KCNT1: variants seen among roughly 807,000 people sequenced by gnomAD.
KCNT1 encodes potassium sodium-activated channel subfamily T member 1, also known as potassium channel subfamily T member 1.
Under a neutral mutation model 147.8 loss-of-function variants are expected in KCNT1, and 78 were observed. The ratio of observed to expected loss-of-function variants is 0.53; its 90% CI spans 0.44 to 0.64. KCNT1 has a LOEUF of 0.64. KCNT1 is among the 30% of genes least tolerant of loss of function. The probability of loss-of-function intolerance (pLI) is 0.00; values close to 1 mark genes in which losing one functional copy is unlikely to be tolerated. For synonymous variants in KCNT1, 867 were observed against 748.8 expected, an observed-to-expected ratio of 1.16 and a Z score of -2.58; for missense variants, 1,419 against 1,750.3, an observed-to-expected ratio of 0.81 and a Z score of 3.38.
rs763051647 is a variant in KCNT1 at position 135,771,056 on chromosome 9, C to A, written c.1969C>A (p.Pro657Thr). The A allele has an allele frequency of 6.2e-7, 1 of 1,612,180 alleles. No homozygotes were observed. Among genetic ancestry groups the A allele is most frequent in the South Asian group, 1.1e-5 (1 of 90,760 alleles). Residue 657 changes from proline (P) to threonine (T), a missense_variant, in exon 18 of 31, where the codon CCG becomes ACG. Around this residue, in one of 5 missense-constraint regions of KCNT1, gnomAD observed 284 missense variants for 292.8 expected, o/e 0.97. Transcript: ENST00000371757. Reference protein sequence around the residue: ...AFSGQGLHEGPARLPVHSIIA... With the variant: ...AFSGQGLHEGTARLPVHSIIA... ...CTCGGGGCAGGGGCTGCACGAGGGT[C>A]CGGCCCGCCTGCCCGTGCACAGCAT... is the stretch of plus-strand genomic sequence containing the variant.
intron 3 of KCNT1, chr9:135,750,712 C>T (rs1831105379): frequency 1.7e-6 from 1 of 585,460 alleles, no homozygotes; most frequent in Non-Finnish European, 3.0e-6. Context: ...CCCCTGCACC[C>T]CAAGTTCAGG....
chr9:135,721,850 A>G (rs1462594557), intron 2 of KCNT1, among the ~76,000 whole-genome samples: 1 of 152,016 alleles, frequency 6.6e-6, no homozygotes, highest in Non-Finnish European at 1.5e-5. Flanking sequence ...TGGGCCCCCT[A>G]CCAGGAAGCA....
At chr9:135,774,239 G>A (rs1489770106) in intron 19 of KCNT1, among the ~76,000 whole-genome samples, 1 of 149,808 alleles carries the variant, frequency 6.7e-6, no homozygotes, top group African/African-American at 2.5e-5. Flanking sequence ...TGTGTGTGGT[G>A]TGTGTCCGTG....
intron 9 of KCNT1, 34 bp from the exon 10 acceptor site, chr9:135,758,380 C>T (rs747363758): frequency 1.3e-6 from 2 of 1,538,086 alleles, no homozygotes; most frequent in Non-Finnish European, 1.8e-6. Context: ...GGTCCACAGT[C>T]CCTGCCCGCT....
chr9:135,740,465 G>A (rs902413748), intron 2 of KCNT1, among the ~76,000 whole-genome samples: 1 of 152,216 alleles, frequency 6.6e-6, no homozygotes. Context: ...AGAGCCCAGA[G>A]GGTCCCTCCC....
At position 135,786,308 on chromosome 9, in the gene KCNT1, G is replaced by A. The variant is rs199779214; in HGVS notation, c.3289G>A (p.Gly1097Ser). The A allele has an allele frequency of 7.9e-5, 126 of 1,602,106 alleles. 1 individual carries two copies. The highest frequency in any genetic ancestry group is 3.5e-4 in the South Asian group (31 of 89,372). Reference sequence around the variant, plus strand: ...CTCCCAGGGCCGCCACACGGGCGGCGGTGACCCCGCAGAGCACCCACTGCT... The same window carrying A: ...CTCCCAGGGCCGCCACACGGGCGGCAGTGACCCCGCAGAGCACCCACTGCT... The part of the protein sequence containing the change: ...GSSQGRHTGG[G>S]DPAEHPLLRR... Residue 1097 changes from glycine to serine, a missense_variant, in exon 29 of 31, where the codon GGT (glycine) becomes AGT (serine). Physicochemically the swap from Gly to Ser is moderately conservative, Grantham distance 56. Coordinates refer to ENST00000371757, the MANE Select transcript of KCNT1 (RefSeq NM_020822.3).
chr9:135,791,512 A>T, intron 29 of KCNT1: 1 of 447,516 alleles, frequency 2.2e-6, no homozygotes, highest in Non-Finnish European at 4.1e-6. Context: ...GCCTCTGCTC[A>T]GGGCCACCCC....
At chr9:135,770,197 C>T (rs563284439) in intron 16 of KCNT1, 101 bp from the exon 17 acceptor site, 67 of 1,444,270 alleles carry the variant, frequency 4.6e-5, no homozygotes, top group Admixed American at 3.5e-4. Flanking sequence ...GGAGGGGATC[C>T]ATGCCAGGGG....
At chr9:135,735,777 C>T (rs1830312874) in intron 2 of KCNT1, among the ~76,000 whole-genome samples, 1 of 152,200 alleles carries the variant, frequency 6.6e-6, no homozygotes, top group Non-Finnish European at 1.5e-5. Context: ...CCGGAGGGCT[C>T]TGCCACCCGG....
At chr9:135,725,042 G>A (rs920044127) in intron 2 of KCNT1, among the ~76,000 whole-genome samples, 1 of 152,252 alleles carries the variant, frequency 6.6e-6, no homozygotes, top group African/African-American at 2.4e-5. Flanking sequence ...CCACCCAGGA[G>A]GCAACTGCGT....
At chr9:135,735,125 A>T (rs1466772413) in intron 2 of KCNT1, among the ~76,000 whole-genome samples, 1 of 152,192 alleles carries the variant, frequency 6.6e-6, no homozygotes, top group Non-Finnish European at 1.5e-5. Flanking sequence ...TTGCAGGTAC[A>T]AACAGCGCTC....
chr9:135,776,935 G>A (rs1203766860), intron 20 of KCNT1, among the ~76,000 whole-genome samples: 1 of 152,242 alleles, frequency 6.6e-6, no homozygotes, highest in Admixed American at 6.5e-5. Flanking sequence ...AAGGAACCCT[G>A]ATTCCTTTTA....
chr9:135,716,063 G>T (rs1452331737), intron 2 of KCNT1, among the ~76,000 whole-genome samples: 1 of 152,244 alleles, frequency 6.6e-6, no homozygotes, highest in African/African-American at 2.4e-5. Context: ...TGGTCCCAGG[G>T]CGGCGTGCGT....
chr9:135,711,541 C>T (rs1422763062), intron 1 of KCNT1, among the ~76,000 whole-genome samples: 1 of 152,218 alleles, frequency 6.6e-6, no homozygotes, highest in East Asian at 1.9e-4. Flanking sequence ...GGGTGCCTGG[C>T]GTGCAGCTGG....
intron 20 of KCNT1, 90 bp from the exon 21 acceptor site, chr9:135,777,248 G>T: frequency 7.3e-7 from 1 of 1,377,812 alleles, no homozygotes; most frequent in African/African-American, 1.4e-5. Flanking sequence ...GTGTTCACGG[G>T]GGATGTTTGG....
Position 135,777,529 on chromosome 9 carries a change from A to G in KCNT1, c.2522+19A>G. 1.2e-6 allele frequency: 2 copies of G among 1,604,552 alleles called. No homozygotes were observed. On this transcript the variant is annotated intron_variant, in intron 21 of 30. Coordinates refer to ENST00000371757, the MANE Select transcript of KCNT1 (RefSeq NM_020822.3). ...ACAACAAGTGAGGCTCCTGGGGCTC[A>G]GCCCACCCCGCCCACCCGGGCCCTC... is the stretch of plus-strand genomic sequence containing the variant.
At position 135,714,393 on chromosome 9, in the gene KCNT1, A is replaced by T. The variant is rs1835629435; in HGVS notation, c.111-184A>T. On this transcript the variant is annotated intron_variant, in intron 1 of 30. Coordinates refer to ENST00000371757, the MANE Select transcript of KCNT1 (RefSeq NM_020822.3). The surrounding 1 kb of genome is among the most constrained non-coding windows in gnomAD (Gnocchi z 6.2). ...CCCCGCCCTAGCCCCAGCCCGGCGC[A>T]GCCGGTCCCGCGCGCCCCCGCCCGC... The T allele has an allele frequency of 6.1e-6, 1 of 163,388 alleles. No homozygotes were observed. Among genetic ancestry groups the T allele is most frequent in the Non-Finnish European group, 1.2e-5 (1 of 80,358 alleles). 10.1% of individuals were successfully genotyped at this position (163,388 alleles called of 1,614,324 possible).
At chr9:135,783,700 G>A (rs1296210941) in intron 24 of KCNT1, among the ~76,000 whole-genome samples, 3 of 152,236 alleles carry the variant, frequency 2.0e-5, no homozygotes, top group African/African-American at 4.8e-5. Flanking sequence ...TTGGAATTTC[G>A]GGATGGCAAG....
chr9:135,783,497 A>G (rs1262148354), intron 24 of KCNT1, among the ~76,000 whole-genome samples: 2 of 152,204 alleles, frequency 1.3e-5, no homozygotes, highest in African/African-American at 2.4e-5. Flanking sequence ...GTGTCGTTTT[A>G]GCTGCTAAGT....
Sources: gnomAD v4.1 joint callset for allele counts (sites outside exome capture counted in the v4.1 genomes callset) on GRCh38, gnomAD v4.1.1 for gene constraint, gnomAD v4.1.1 regional missense constraint, Gnocchi (gnomAD v3.1) non-coding constraint, MANE v1.5 for transcripts, NCBI Gene and HGNC (gene_info 2026-07-23, HGNC 2026-07-21) for gene names.